Variants in CDH13 observed in about 807,000 individuals in gnomAD.
CDH13 encodes the protein cadherin-13.
A neutral mutation model predicts 63.8 loss-of-function variants in CDH13; 24 were observed. That is an observed-to-expected ratio of 0.38 (90% CI 0.27 to 0.53). The LOEUF (loss-of-function observed/expected upper bound fraction) is 0.53. Ranked by LOEUF, CDH13 falls within the 20% of genes least tolerant of loss-of-function variation. The probability of loss-of-function intolerance (pLI) is 0.85; values close to 1 mark genes in which losing one functional copy is unlikely to be tolerated. For synonymous variants in CDH13, 503 were observed against 355.3 expected (o/e 1.42, Z -4.67); for missense variants, 1,049 against 903.1 (o/e 1.16, Z -2.07).
intron 5 of CDH13, among the ~76,000 whole-genome samples, chr16:83,303,116 G>A (rs887262605): frequency 2.6e-5 from 4 of 152,210 alleles, no homozygotes; most frequent in African/African-American, 9.6e-5. Flanking sequence ...ATCTTTGGGA[G>A]GAGAAGGAAG....
At chr16:83,072,156 A>G (rs906756549) in intron 3 of CDH13, among the ~76,000 whole-genome samples, 3 of 152,148 alleles carry the variant, frequency 2.0e-5, no homozygotes, top group African/African-American at 7.2e-5. Flanking sequence ...TTGTGCATGT[A>G]TTTTACCCTT....
intron 7 of CDH13, among the ~76,000 whole-genome samples, chr16:83,595,791 G>C (rs1227055272): frequency 6.6e-6 from 1 of 151,754 alleles, no homozygotes; most frequent in Non-Finnish European, 1.5e-5. Context: ...GGAACCCAAG[G>C]AAATAGGATC....
At chr16:82,675,483 A>G (rs778883715) in intron 1 of CDH13, among the ~76,000 whole-genome samples, 1 of 152,184 alleles carries the variant, frequency 6.6e-6, no homozygotes, top group East Asian at 1.9e-4. Flanking sequence ...CCAAGGAATT[A>G]AGGTATTCTC....
chr16:83,695,864 TCAAATC>T (rs1260077922), intron 10 of CDH13, among the ~76,000 whole-genome samples: 2 of 151,980 alleles, frequency 1.3e-5, no homozygotes, highest in Non-Finnish European at 2.9e-5. Context: ...GAGACGGAAT[TCAAATC>T]CAGATATATT....
chr16:83,088,072 G>C (rs74033116), intron 3 of CDH13, among the ~76,000 whole-genome samples: 1 of 152,122 alleles, frequency 6.6e-6, no homozygotes, highest in Admixed American at 6.5e-5. Flanking sequence ...GAAAGTAATG[G>C]CAAATACTTA....
At chr16:83,105,138 G>A (rs1477242998) in intron 3 of CDH13, among the ~76,000 whole-genome samples, 2 of 152,276 alleles carry the variant, frequency 1.3e-5, no homozygotes, top group East Asian at 3.9e-4. Flanking sequence ...GCATGCATTA[G>A]CTATTTTAAG....
Position 83,435,613 on chromosome 16 carries a change from G to T in CDH13, c.782-50864G>T, listed in dbSNP as rs192445147. Among the ~76,000 whole-genome samples the T allele has an allele frequency of 2.9e-3, 437 of 152,264 alleles. 2 individuals carry two copies. Among genetic ancestry groups the T allele is most frequent in the Non-Finnish European group, 4.6e-3 (313 of 68,028 alleles). On this transcript the variant is annotated intron_variant, in intron 6 of 13. Transcript: ENST00000567109. Reference sequence around the variant, plus strand: ...CTCTCTCCCTGATCTCAGGGTCTTTGTTCATACTGTTCTCTCTGTCTGAGT... The same window carrying T: ...CTCTCTCCCTGATCTCAGGGTCTTTTTTCATACTGTTCTCTCTGTCTGAGT...
chr16:82,699,902 C>T (rs537453373), intron 1 of CDH13, among the ~76,000 whole-genome samples: 4 of 152,334 alleles, frequency 2.6e-5, no homozygotes, highest in Admixed American at 2.6e-4. Flanking sequence ...AATGTTTCAA[C>T]AGTTTTCCGA....
intron 1 of CDH13, among the ~76,000 whole-genome samples, chr16:82,854,353 A>T (rs1342047605): frequency 6.9e-6 from 1 of 145,180 alleles, no homozygotes; most frequent in Non-Finnish European, 1.5e-5. Context: ...GTGAGCCAAG[A>T]TCGTGCCACT....
intron 1 of CDH13, among the ~76,000 whole-genome samples, chr16:82,748,961 A>G (rs1021262894): frequency 6.6e-6 from 1 of 152,198 alleles, no homozygotes; most frequent in African/African-American, 2.4e-5. Context: ...ATCTAGACAC[A>G]TTTATGACCA....
chr16:82,963,293 C>T (rs980176948), intron 2 of CDH13, among the ~76,000 whole-genome samples: 17 of 152,044 alleles, frequency 1.1e-4, no homozygotes, highest in South Asian at 2.1e-4. Flanking sequence ...GCAGAAGAAT[C>T]GCTTGAACCT....
At chr16:83,093,574 C>A (rs1597322819) in intron 3 of CDH13, among the ~76,000 whole-genome samples, 1 of 151,966 alleles carries the variant, frequency 6.6e-6, no homozygotes, top group African/African-American at 2.4e-5. Flanking sequence ...CCTACCTCGG[C>A]CTCCCAAAGT....
intron 7 of CDH13, chr16:83,508,513 G>A (rs1031642764): frequency 1.3e-5 from 2 of 152,620 alleles, no homozygotes; most frequent in South Asian, 2.1e-4. Flanking sequence ...TCTGACCATG[G>A]GAGTGTGCTC....
Position 83,065,713 on chromosome 16 carries a change from C to CA in CDH13, c.366+33502dup, listed in dbSNP as rs1476407331. ...GAACGAGATTTGTCTCAAAAAAAAA[C>CA]AAAAAAACAAAAAAACAAAAAAAAA... On this transcript the variant is annotated intron_variant, in intron 3 of 13. Coordinates refer to ENST00000567109, the MANE Select transcript of CDH13 (RefSeq NM_001257.5). Among the ~76,000 whole-genome samples the CA allele has an allele frequency of 3.0e-3, 247 of 83,156 alleles. 1 individual carries two copies. Among genetic ancestry groups the CA allele is most frequent in the South Asian group, 0.026 (66 of 2,560 alleles). The allele number at this position is 83,156 out of a possible 152,430, so 54.6% of individuals were successfully genotyped here.
At chr16:83,512,582 C>G (rs1167620576) in intron 7 of CDH13, among the ~76,000 whole-genome samples, 1 of 150,716 alleles carries the variant, frequency 6.6e-6, no homozygotes, top group African/African-American at 2.4e-5. Flanking sequence ...ACAGAAGAAT[C>G]ATTTGAACCC....
At chr16:82,640,790 A>T (rs564273642) in intron 1 of CDH13, among the ~76,000 whole-genome samples, 2 of 152,354 alleles carry the variant, frequency 1.3e-5, no homozygotes, top group African/African-American at 4.8e-5. Flanking sequence ...CAAGGTAAAG[A>T]TGCTAATAGT....
In CDH13 at chr16:83,425,606, C is replaced by T. The variant is rs374749905; in HGVS notation, c.782-60871C>T. ...CCCTTCCCCTCTCTTCCACTGTTGCCTTTGGAGCTTTCACTTTATCCTAAA... is the reference window on the plus strand; with the variant it reads ...CCCTTCCCCTCTCTTCCACTGTTGCTTTTGGAGCTTTCACTTTATCCTAAA... On this transcript the variant is annotated intron_variant, in intron 6 of 13. Coordinates refer to ENST00000567109, the MANE Select transcript of CDH13 (RefSeq NM_001257.5). 2.6e-4 allele frequency among the ~76,000 whole-genome samples: 39 copies of T among 152,366 alleles called. No homozygotes were observed. In the South Asian group the frequency reaches 8.1e-3, roughly 32 times the overall value.
At chr16:83,382,898 T>A (rs112004066) in intron 6 of CDH13, 1 of 152,198 alleles carries the variant, frequency 6.6e-6, no homozygotes, top group Admixed American at 6.5e-5. Flanking sequence ...CAAGTGGGAA[T>A]TGGTATTGAC....
chr16:83,321,021 T>C (rs912365186), intron 5 of CDH13, among the ~76,000 whole-genome samples: 7 of 152,180 alleles, frequency 4.6e-5, no homozygotes, highest in African/African-American at 1.7e-4. Flanking sequence ...TGCTACCAGG[T>C]GATAGTTTAA....
Sources: gnomAD v4.1 joint callset for allele counts (sites outside exome capture counted in the v4.1 genomes callset) on GRCh38, gnomAD v4.1.1 for gene constraint, MANE v1.5 for transcripts, NCBI Gene and HGNC (gene_info 2026-07-23, HGNC 2026-07-21) for gene names.